PPP1R8: variants seen among roughly 807,000 people sequenced by gnomAD.
PPP1R8 encodes the protein protein phosphatase 1 regulatory subunit 8.
In PPP1R8, 4 loss-of-function variants were observed where a neutral mutation model predicts 31.3. That is an observed-to-expected ratio of 0.13 (90% confidence interval 0.06 to 0.29). The LOEUF is 0.29. Among genes scored for constraint, PPP1R8 ranks in the 10% least tolerant of loss-of-function variants. The pLI is 1.00. For missense variants in PPP1R8, 254 were observed against 440.1 expected (o/e 0.58, Z 3.78); for synonymous variants, 170 against 169.7 (o/e 1.00, Z -0.01).
At chr1:27,846,445 G>A (rs867521703) in intron 5 of PPP1R8, among the ~76,000 whole-genome samples, 1 of 152,214 alleles carries the variant, frequency 6.6e-6, no homozygotes, top group South Asian at 2.1e-4. Flanking sequence ...GGGCATCAGA[G>A]CCTTTAGTGC....
chr1:27,849,966 C>G lies in PPP1R8; in HGVS notation c.703-127C>G, dbSNP rs1304328719. ...TAGGTTGTCTGGAAAGGAGAACAGG[C>G]TAGAAGTTAGGAATCTTTCCCAAAA... On this transcript the variant is annotated intron_variant, in intron 6 of 6. Coordinates refer to ENST00000311772, the MANE Select transcript of PPP1R8 (RefSeq NM_014110.5). 4.8e-6 allele frequency: 4 copies of G among 827,528 alleles called. No homozygotes were observed. In the East Asian group the frequency reaches 9.8e-5, roughly 20 times the overall value. 51.3% of individuals were successfully genotyped at this position (827,528 alleles called of 1,614,324 possible).
intron 5 of PPP1R8, among the ~76,000 whole-genome samples, chr1:27,843,956 AAG>A (rs1356186457): frequency 2.0e-5 from 3 of 152,284 alleles, no homozygotes; most frequent in Non-Finnish European, 2.9e-5. Flanking sequence ...GTCTCCAAAA[AAG>A]AGTTTCCAGG....
rs1330969227 is a variant in PPP1R8 at position 27,850,584 on chromosome 1, A to G, written c.*138A>G. The G allele has an allele frequency of 1.0e-5, 8 of 768,764 alleles. No individual in the cohort carries two copies. The Admixed American group carries it at 2.1e-4, about 20-fold the overall frequency. 47.6% of individuals were successfully genotyped at this position (768,764 alleles called of 1,614,324 possible). On this transcript the variant is annotated 3_prime_UTR_variant, in exon 7 of 7. Coordinates refer to ENST00000311772, the MANE Select transcript of PPP1R8 (RefSeq NM_014110.5). ...ATGTCTCCTGGCATCCTAACCATGT[A>G]ATATGACAATTGGGGGTGGGGTTGA...
At chr1:27,847,698 T>C (rs2089299063) in intron 6 of PPP1R8, among the ~76,000 whole-genome samples, 1 of 151,990 alleles carries the variant, frequency 6.6e-6, no homozygotes, top group Non-Finnish European at 1.5e-5. Flanking sequence ...GCCACTGCAC[T>C]CCAGCCTGGT....
intron 6 of PPP1R8, among the ~76,000 whole-genome samples, chr1:27,848,038 G>A (rs2089302659): frequency 6.6e-6 from 1 of 152,186 alleles, no homozygotes; most frequent in Non-Finnish European, 1.5e-5. Context: ...CACACAGTTT[G>A]CCATGCCTTT....
At chr1:27,843,431 T>A in intron 5 of PPP1R8, 101 bp downstream of exon 5, 1 of 1,433,672 alleles carries the variant, frequency 7.0e-7, no homozygotes, top group Non-Finnish European at 9.7e-7. Flanking sequence ...CCGAGGAGGG[T>A]GGATCACTTA....
At chr1:27,831,004 A>G (rs1373810066) in intron 1 of PPP1R8, 113 bp downstream of exon 1, 2 of 1,430,614 alleles carry the variant, frequency 1.4e-6, no homozygotes, top group South Asian at 3.0e-5. Flanking sequence ...GAAACCCCGG[A>G]ATGGTTGAGG....
intron 1 of PPP1R8, among the ~76,000 whole-genome samples, chr1:27,832,036 C>T (rs2089114858): frequency 2.6e-5 from 4 of 152,138 alleles, no homozygotes; most frequent in Admixed American, 2.0e-4. Context: ...CAAATTTGGG[C>T]CGAGATAGCA....
chr1:27,832,665 TAGG>T, intron 1 of PPP1R8, 88 bp from the exon 2 acceptor site: 1 of 1,029,248 alleles, frequency 9.7e-7, no homozygotes, highest in Non-Finnish European at 1.4e-6. Flanking sequence ...TATAGGCTGG[TAGG>T]AGAGCTGCAA....
rs1335314376 is a variant in PPP1R8, at chr1:27,838,788, G to A, written c.207G>A (p.Arg69=). The A allele has an allele frequency of 1.2e-6, 2 of 1,612,946 alleles. No individual in the cohort carries two copies. Among genetic ancestry groups the A allele is most frequent in the South Asian group, 2.2e-5 (2 of 90,832 alleles). ...CCATTGACCACCAGTCTTGCTCTCG[G>A]GTCCATGCTGCACTTGTCTACCACA... ...DFTIDHQSCS[R]VHAALVYHKH... Residue 69 remains arginine (R), a synonymous_variant, in exon 3 of 7, where the codon CGG becomes CGA. Transcript: ENST00000311772.
chr1:27,834,405 A>T (rs1484055456), intron 2 of PPP1R8: 3 of 518,438 alleles, frequency 5.8e-6, no homozygotes, highest in Non-Finnish European at 1.2e-5. Context: ...CTTGATCAGC[A>T]CTTGATACTA....
chr1:27,844,996 G>T (rs1483741423), intron 5 of PPP1R8, among the ~76,000 whole-genome samples: 6 of 137,376 alleles, frequency 4.4e-5, no homozygotes. Flanking sequence ...GCCTCCTAAA[G>T]TGCTGGGATT....
intron 5 of PPP1R8, among the ~76,000 whole-genome samples, chr1:27,844,359 C>T (rs1028706704): frequency 6.6e-6 from 1 of 151,808 alleles, no homozygotes; most frequent in African/African-American, 2.4e-5. Flanking sequence ...GACGGAGTCT[C>T]GTTCTGTCAC....
At chr1:27,848,208 C>G (rs2089304440) in intron 6 of PPP1R8, among the ~76,000 whole-genome samples, 1 of 152,126 alleles carries the variant, frequency 6.6e-6, no homozygotes, top group African/African-American at 2.4e-5. Context: ...CGAGACCATC[C>G]TGGCGAACAC....
Position 27,841,116 on chromosome 1 carries a change from C to G in PPP1R8, c.374C>G (p.Thr125Ser). ...TTTGGCGCATCCACAAGGGCATACA[C>G]TCTGCGCGAGAAGCCTCAGACATTG... ...VSFGASTRAY[T>S]LREKPQTLPS... The change falls in exon 4 of 7, where the codon ACT becomes AGT. Residue 125 changes from threonine (T) to serine (S), a missense_variant. Physicochemically the swap from Thr to Ser is moderately conservative, Grantham distance 58 (BLOSUM62 1). Coordinates refer to ENST00000311772, the MANE Select transcript of PPP1R8 (RefSeq NM_014110.5). 1 of 1,614,220 alleles carries G rather than the reference C, an allele frequency of 6.2e-7. No individual in the cohort carries two copies. The highest frequency in any genetic ancestry group is 8.5e-7 in the Non-Finnish European group (1 of 1,180,048).
At chr1:27,841,337 G>A in intron 4 of PPP1R8, 103 bp downstream of exon 4, 3 of 1,262,970 alleles carry the variant, frequency 2.4e-6, no homozygotes, top group Non-Finnish European at 3.3e-6. Flanking sequence ...AGCAGCAGGG[G>A]GTTCTCTTGA....
intron 1 of PPP1R8, 38 bp from the exon 2 acceptor site, chr1:27,832,718 C>G: frequency 1.9e-6 from 3 of 1,547,010 alleles, no homozygotes; most frequent in Non-Finnish European, 2.7e-6. Flanking sequence ...ATTTATAAAC[C>G]CATCCTGAAA....
In PPP1R8 at chr1:27,851,513, A is replaced by G. The variant is rs1398521363; in HGVS notation, c.*1067A>G. On this transcript the variant is annotated 3_prime_UTR_variant, in exon 7 of 7. Transcript: ENST00000311772. ...GTAACCTTTATTACATTGTAAATTA[A>G]ACGTAACTTTTGTCATTTGGGTGCA... The G allele has an allele frequency of 2.1e-6, 1 of 471,984 alleles. No individual in the cohort carries two copies. The highest frequency in any genetic ancestry group is 6.1e-5 in the East Asian group (1 of 16,458). 29.2% of individuals were successfully genotyped at this position (471,984 alleles called of 1,614,324 possible). A position where few individuals can be genotyped will look rare whatever the true frequency, so the allele number is the denominator to read the frequency against.
At chr1:27,837,817 C>A (rs1376712277) in intron 2 of PPP1R8, among the ~76,000 whole-genome samples, 1 of 147,514 alleles carries the variant, frequency 6.8e-6, no homozygotes, top group Non-Finnish European at 1.5e-5. Flanking sequence ...TGGCTCACAC[C>A]TGTAATCCCA....
Sources: gnomAD v4.1 joint callset for allele counts (sites outside exome capture counted in the v4.1 genomes callset) on GRCh38, gnomAD v4.1.1 for gene constraint, MANE v1.5 for transcripts, NCBI Gene and HGNC (gene_info 2026-07-23, HGNC 2026-07-21) for gene names.